ANKRD31: variants seen among roughly 807,000 people sequenced by gnomAD.
ANKRD31 encodes ankyrin repeat domain-containing protein 31.
In ANKRD31, 147 loss-of-function variants were observed where a neutral mutation model predicts 186.0. That is an observed-to-expected ratio of 0.79 (90% CI 0.69 to 0.91). ANKRD31 has a LOEUF of 0.91. Ranked by LOEUF, ANKRD31 falls within the 40% of genes least tolerant of loss-of-function variation. The probability of loss-of-function intolerance (pLI) is 0.00; values close to 1 mark genes in which losing one functional copy is unlikely to be tolerated. For synonymous variants in ANKRD31, 673 were observed against 736.4 expected, an observed-to-expected ratio of 0.91 and a Z score of 1.39; for missense variants, 1,986 against 2,148.8, an observed-to-expected ratio of 0.92 and a Z score of 1.50.
At chr5:75,167,101 C>A (rs1580467130) in intron 11 of ANKRD31, among the ~76,000 whole-genome samples, 1 of 151,980 alleles carries the variant, frequency 6.6e-6, no homozygotes, top group Non-Finnish European at 1.5e-5. Context: ...CCCTCTAGAC[C>A]CCCCATCTCT....
At chr5:75,107,783 A>G (rs577027982) in intron 20 of ANKRD31, among the ~76,000 whole-genome samples, 166 bp from the exon 21 acceptor site, 62 of 152,094 alleles carry the variant, frequency 4.1e-4, no homozygotes, top group Middle Eastern at 3.4e-3. Context: ...AACAATGTCA[A>G]TCTATGGAAA....
intron 9 of ANKRD31, among the ~76,000 whole-genome samples, chr5:75,190,143 C>T (rs2150238224): frequency 1.3e-5 from 2 of 152,112 alleles, no homozygotes. Context: ...CCTCAGCCTC[C>T]CGAGTAGCTG....
At position 75,188,493 on chromosome 5, in the gene ANKRD31, C is replaced by G; in HGVS notation, c.1564G>C (p.Gly522Arg). The change falls in exon 10 of 26, where the codon GGT becomes CGT. Residue 522 changes from glycine to arginine, a missense_variant and splice_region_variant. Gly to Arg is a moderately radical substitution (Grantham distance 125). Coordinates refer to ENST00000506364, the MANE Select transcript of ANKRD31 (RefSeq NM_001372053.1). The part of the protein sequence containing the change: ...GGNVNQPSYA[G>R]WTALHEASVG... ...ACTGTGGGTGGTAATCCTAACTTACCAGCATAACTTGGCTGATTAACATTT... is the reference window on the plus strand; with the variant it reads ...ACTGTGGGTGGTAATCCTAACTTACGAGCATAACTTGGCTGATTAACATTT... The G allele has an allele frequency of 6.5e-7, 1 of 1,533,502 alleles. No individual in the cohort carries two copies. Among genetic ancestry groups the G allele is most frequent in the Non-Finnish European group, 8.7e-7 (1 of 1,145,460 alleles). The allele number at this position is 1,533,502 out of a possible 1,614,324, so 95.0% of individuals were successfully genotyped here.
At chr5:75,169,946 G>C (rs1472814609) in intron 10 of ANKRD31, among the ~76,000 whole-genome samples, 2 of 152,102 alleles carry the variant, frequency 1.3e-5, no homozygotes, top group Non-Finnish European at 2.9e-5. Context: ...GTCCCCTGGG[G>C]AGGGGGTGGG....
chr5:75,141,317 T>C (rs1751028840), intron 15 of ANKRD31, among the ~76,000 whole-genome samples: 1 of 152,100 alleles, frequency 6.6e-6, no homozygotes, highest in Non-Finnish European at 1.5e-5. Context: ...AAATTCTTTA[T>C]TGGAAGAATT....
intron 22 of ANKRD31, among the ~76,000 whole-genome samples, chr5:75,102,370 T>C (rs1746969601): frequency 6.6e-6 from 1 of 152,226 alleles, no homozygotes; most frequent in Non-Finnish European, 1.5e-5. Context: ...GTTAGGCTAC[T>C]CAGGGGTCAG....
chr5:75,179,907 A>G (rs1043682168), intron 10 of ANKRD31, among the ~76,000 whole-genome samples: 24 of 152,198 alleles, frequency 1.6e-4, no homozygotes, highest in African/African-American at 4.8e-4. Flanking sequence ...AGAAGGAAAT[A>G]AAGGGCATTC....
chr5:75,073,992 T>C (rs1744434103), intron 25 of ANKRD31, among the ~76,000 whole-genome samples: 1 of 152,218 alleles, frequency 6.6e-6, no homozygotes. Flanking sequence ...ATAGTTTATA[T>C]TCCAGCTTGT....
At chr5:75,093,338 T>C (rs1341036227) in intron 22 of ANKRD31, among the ~76,000 whole-genome samples, 1 of 151,896 alleles carries the variant, frequency 6.6e-6, no homozygotes, top group Non-Finnish European at 1.5e-5. Context: ...AAAAATTAGC[T>C]GAGCATGGTG....
At position 75,193,727 on chromosome 5, in the gene ANKRD31, CAT is replaced by C. The variant is rs35826462; in HGVS notation, c.1018-138_1018-137del. 2,932 of 705,450 alleles carry C rather than the reference CAT, an allele frequency of 4.2e-3. 9 individuals are homozygous for C. Among genetic ancestry groups the C allele is most frequent in the Middle Eastern group, 6.1e-3 (15 of 2,456 alleles). 43.7% of individuals were successfully genotyped at this position (705,450 alleles called of 1,614,324 possible). On this transcript the variant is annotated intron_variant, in intron 7 of 25. Coordinates refer to ENST00000506364, the MANE Select transcript of ANKRD31 (RefSeq NM_001372053.1). ...GGATCCAAGTACAAGAATTCATAGA[CAT>C]ATGTGGACATAATGAAAGATTTAAT...
rs185660472 is a variant in ANKRD31 at position 75,179,902 on chromosome 5, G to A, written c.1564+8591C>T. Among the ~76,000 whole-genome samples the A allele has an allele frequency of 1.3e-3, 201 of 152,230 alleles. No individual in the cohort carries two copies. The Middle Eastern group carries it at 0.02, about 15-fold the overall frequency. On this transcript the variant is annotated intron_variant, in intron 10 of 25. Transcript: ENST00000506364. ...GGCCAGGGCAATCAGGCAGGAGAAG[G>A]AAATAAAGGGCATTCAATTAGGAAA...
At chr5:75,190,217 C>T (rs558782540) in intron 9 of ANKRD31, among the ~76,000 whole-genome samples, 13 of 151,938 alleles carry the variant, frequency 8.6e-5, no homozygotes, top group African/African-American at 1.9e-4. Flanking sequence ...GACAGGGTTT[C>T]GCCATGTTGC....
chr5:75,171,786 T>G (rs191071599), intron 10 of ANKRD31, among the ~76,000 whole-genome samples: 106 of 149,720 alleles, frequency 7.1e-4, no homozygotes, highest in African/African-American at 2.5e-3. Context: ...TTATCAAAAC[T>G]CTCCCACAAA....
At chr5:75,134,427 A>G (rs1432921621) in intron 17 of ANKRD31, among the ~76,000 whole-genome samples, 1 of 152,216 alleles carries the variant, frequency 6.6e-6, no homozygotes, top group Non-Finnish European at 1.5e-5. Flanking sequence ...AAATGGATAA[A>G]TTCCTCGACA....
At chr5:75,212,164 TAAGTG>T (rs1321747195) in intron 3 of ANKRD31, among the ~76,000 whole-genome samples, 1 of 152,212 alleles carries the variant, frequency 6.6e-6, no homozygotes, top group Non-Finnish European at 1.5e-5. Flanking sequence ...AAGTAGAACT[TAAGTG>T]AAGAGAAAGA....
intron 3 of ANKRD31, among the ~76,000 whole-genome samples, chr5:75,213,053 C>T (rs1321465833): frequency 2.6e-5 from 4 of 152,218 alleles, no homozygotes; most frequent in Admixed American, 2.0e-4. Flanking sequence ...CCAATTAATG[C>T]TCAGTATTAT....
chr5:75,116,691 G>A lies in ANKRD31; in HGVS notation c.4040-10C>T. 1 of 1,364,804 alleles carries A rather than the reference G, an allele frequency of 7.3e-7. No individual in the cohort carries two copies. The highest frequency in any genetic ancestry group is 9.6e-7 in the Non-Finnish European group (1 of 1,041,814). The allele number at this position is 1,364,804 out of a possible 1,614,324, so 84.5% of individuals were successfully genotyped here. On this transcript the variant is annotated splice_polypyrimidine_tract_variant and intron_variant, in intron 18 of 25. Coordinates refer to ENST00000506364, the MANE Select transcript of ANKRD31 (RefSeq NM_001372053.1). ...ACAGCAGGAATTTTTTCTTTAAAAAGTAAAATTAGAAAATATAATAAGAAT... is the reference window on the plus strand; with the variant it reads ...ACAGCAGGAATTTTTTCTTTAAAAAATAAAATTAGAAAATATAATAAGAAT...
chr5:75,130,978 A>G (rs1359288206), intron 17 of ANKRD31, among the ~76,000 whole-genome samples: 1 of 152,212 alleles, frequency 6.6e-6, no homozygotes, highest in East Asian at 1.9e-4. Context: ...GAGAACCGCC[A>G]TTTTGGCCAA....
Position 75,146,195 on chromosome 5 carries a change from T to C in ANKRD31, c.3216A>G (p.Gln1072=). ...AAGGCTCATTTGAATAAATTATTTT[T>C]TGGTCTCTGTCAATGTAATTCCTCT... ...DTERNYIDRD[Q]KIIYSNEPLS... The change falls in exon 14 of 26, where the codon CAA becomes CAG. Residue 1072 remains glutamine, a synonymous_variant. Transcript: ENST00000506364. 6.5e-7 allele frequency: 1 copy of C among 1,535,746 alleles called. No individual in the cohort carries two copies. The highest frequency in any genetic ancestry group is 8.7e-7 in the Non-Finnish European group (1 of 1,146,128).
Sources: gnomAD v4.1 joint callset for allele counts (sites outside exome capture counted in the v4.1 genomes callset) on GRCh38, gnomAD v4.1.1 for gene constraint, MANE v1.5 for transcripts, NCBI Gene and HGNC (gene_info 2026-07-23, HGNC 2026-07-21) for gene names.